The following COBL variants were observed in gnomAD, a reference collection of about 807,000 sequenced individuals.
COBL encodes the protein cordon-bleu WH2 repeat protein, also known as protein cordon-bleu.
COBL carries 51 observed loss-of-function variants against 98.8 expected under a neutral mutation model. The ratio of observed to expected loss-of-function variants is 0.52; its 90% CI spans 0.41 to 0.65. The LOEUF (loss-of-function observed/expected upper bound fraction) is 0.65, where lower values mean the gene tolerates loss of function less well. Ranked by LOEUF, COBL falls within the 30% of genes least tolerant of loss-of-function variation. COBL has a pLI of 0.00. For missense variants in COBL, 1,617 were observed against 1,617.5 expected, an observed-to-expected ratio of 1.00 and a Z score of 0.01; for synonymous variants, 634 against 651.7, an observed-to-expected ratio of 0.97 and a Z score of 0.41.
At chr7:51,186,647 C>T (rs1479426478) in intron 4 of COBL, among the ~76,000 whole-genome samples, 1 of 152,214 alleles carries the variant, frequency 6.6e-6, no homozygotes, top group African/African-American at 2.4e-5. Flanking sequence ...CTTTCTCATG[C>T]AGCTACAGCC....
intron 2 of COBL, among the ~76,000 whole-genome samples, chr7:51,202,413 G>T (rs1791218029): frequency 6.6e-6 from 1 of 152,170 alleles, no homozygotes; most frequent in South Asian, 2.1e-4. Context: ...TTGATTCATT[G>T]TCAATCTTTT....
At chr7:51,167,988 G>A (rs1178045771) in intron 5 of COBL, among the ~76,000 whole-genome samples, 1 of 152,122 alleles carries the variant, frequency 6.6e-6, no homozygotes, top group Non-Finnish European at 1.5e-5. Context: ...AAAATCTCCA[G>A]GATATTGGTC....
intron 5 of COBL, among the ~76,000 whole-genome samples, chr7:51,181,311 AGTG>A (rs1203300908): frequency 1.3e-5 from 2 of 152,252 alleles, no homozygotes; most frequent in Non-Finnish European, 2.9e-5. Flanking sequence ...ATTGAAATGC[AGTG>A]GTGGTCATGT....
At chr7:51,214,896 A>T (rs1792878680) in intron 2 of COBL, among the ~76,000 whole-genome samples, 1 of 152,178 alleles carries the variant, frequency 6.6e-6, no homozygotes, top group Non-Finnish European at 1.5e-5. Context: ...GATACTCTTC[A>T]GTACAGGCCA....
In COBL at chr7:51,190,858, T is replaced by C. The variant is rs772673921; in HGVS notation, c.677A>G (p.Asn226Ser). The C allele has an allele frequency of 6.2e-7, 1 of 1,613,594 alleles. No homozygotes were observed. Among genetic ancestry groups the C allele is most frequent in the Non-Finnish European group, 8.5e-7 (1 of 1,179,816 alleles). Reference protein sequence around the residue: ...LGIKELYAWDNRRETFRKSSL... With the variant: ...LGIKELYAWDSRRETFRKSSL... ...ACGCAGCGGGGCCTCACCTCTTCTG[T>C]TGTCCCACGCGTAGAGCTCCTTTAT... Residue 226 changes from asparagine (N) to serine (S), a missense_variant, in exon 4 of 13, where the codon AAC (asparagine) becomes AGC (serine). Asn to Ser is a conservative substitution (Grantham distance 46). Coordinates refer to ENST00000265136, the MANE Select transcript of COBL (RefSeq NM_015198.5).
chr7:51,304,807 A>G (rs888707470), intron 1 of COBL, among the ~76,000 whole-genome samples: 1 of 152,218 alleles, frequency 6.6e-6, no homozygotes, highest in African/African-American at 2.4e-5. Context: ...GTCTCTAATC[A>G]TCTCATAAAA....
chr7:51,159,978 C>T (rs1054314172), intron 5 of COBL, among the ~76,000 whole-genome samples: 3 of 152,088 alleles, frequency 2.0e-5, no homozygotes, highest in African/African-American at 4.8e-5. Context: ...CTACAACCTC[C>T]GCCTCCCGAG....
At chr7:51,065,418 A>T in intron 7 of COBL, 1 of 702,914 alleles carries the variant, frequency 1.4e-6, no homozygotes, top group South Asian at 1.5e-5. Flanking sequence ...GCAAGCTCAG[A>T]AGTCTTATCA....
chr7:51,138,771 C>A (rs186126156), intron 5 of COBL, among the ~76,000 whole-genome samples: 2 of 152,346 alleles, frequency 1.3e-5, no homozygotes, highest in African/African-American at 4.8e-5. Flanking sequence ...ACCCATGCCA[C>A]CTGCTATCTC....
rs540606172 is a variant in COBL at position 51,300,212 on chromosome 7, G to A, written c.41+16381C>T. 5.3e-5 allele frequency among the ~76,000 whole-genome samples: 8 copies of A among 152,284 alleles called. 1 individual carries two copies. The highest frequency in any genetic ancestry group is 5.2e-4 in the Admixed American group (8 of 15,302). On this transcript the variant is annotated intron_variant, in intron 1 of 12. Coordinates refer to ENST00000265136, the MANE Select transcript of COBL (RefSeq NM_015198.5). ...GTCTCACTCTGTCACCCAAGCTGGA[G>A]TGCAGTGGCATCATGTCGGCTCACT...
At chr7:51,312,910 C>T (rs1803195413) in intron 1 of COBL, among the ~76,000 whole-genome samples, 1 of 152,108 alleles carries the variant, frequency 6.6e-6, no homozygotes, top group South Asian at 2.1e-4. Flanking sequence ...AATAAAAATG[C>T]TCTGAGACTA....
intron 1 of COBL, among the ~76,000 whole-genome samples, chr7:51,302,581 CAAAA>C (rs397888990): frequency 6.0e-5 from 4 of 66,548 alleles, no homozygotes; most frequent in African/African-American, 5.2e-5. Flanking sequence ...AACTCCGTCT[CAAAA>C]AAAAAAAAAA....
rs138223936 is a variant in COBL, at chr7:51,025,135, C to T, written c.3742G>A (p.Gly1248Ser). Residue 1248 changes from glycine to serine, a missense_variant, in exon 12 of 13, where the codon GGC (glycine) becomes AGC (serine). Gly to Ser is a moderately conservative substitution (Grantham distance 56, BLOSUM62 0). Around this residue, in one of 3 missense-constraint regions of COBL, gnomAD observed 1,304 missense variants for 1,282.0 expected, o/e 1.02. Coordinates refer to ENST00000265136, the MANE Select transcript of COBL (RefSeq NM_015198.5). ...TTTCTCAGTCTCGCAGCCCCTGTGCCGGAGCGGATGGCGTCCATCAAGGCT... is the reference window on the plus strand; with the variant it reads ...TTTCTCAGTCTCGCAGCCCCTGTGCTGGAGCGGATGGCGTCCATCAAGGCT... ...RQALMDAIRS[G>S]TGAARLRKVP... The T allele has an allele frequency of 2.6e-5, 42 of 1,611,052 alleles. No homozygotes were observed. The highest frequency in any genetic ancestry group is 2.2e-4 in the Middle Eastern group (1 of 4,458).
chr7:51,187,310 G>GTATATATATATATATA (rs67807746), intron 4 of COBL, among the ~76,000 whole-genome samples: 2 of 138,424 alleles, frequency 1.4e-5, no homozygotes, highest in Admixed American at 1.5e-4. Flanking sequence ...ATATGTTTAA[G>GTATATATATATATATA]TATATATATA....
At chr7:51,122,961 C>T (rs958119600) in intron 6 of COBL, among the ~76,000 whole-genome samples, 41 of 147,194 alleles carry the variant, frequency 2.8e-4, no homozygotes, top group Non-Finnish European at 4.2e-4. Flanking sequence ...CCAGCCTGGG[C>T]GACAGAGCGA....
At chr7:51,224,707 C>A (rs191989967) in intron 1 of COBL, among the ~76,000 whole-genome samples, 1 of 150,946 alleles carries the variant, frequency 6.6e-6, no homozygotes, top group East Asian at 1.9e-4. Context: ...TTGAGATGGA[C>A]GGCAATGGCG....
intron 2 of COBL, among the ~76,000 whole-genome samples, chr7:51,215,408 CAAAT>C (rs1200404742): frequency 6.6e-6 from 1 of 152,094 alleles, no homozygotes; most frequent in East Asian, 1.9e-4. Flanking sequence ...TAAGCCCACA[CAAAT>C]AAAGCCTTAA....
chr7:51,192,772 T>C (rs537022784), intron 3 of COBL, among the ~76,000 whole-genome samples: 24 of 152,338 alleles, frequency 1.6e-4, no homozygotes, highest in African/African-American at 5.8e-4. Context: ...TTCCCTTTCT[T>C]TTCTCTTCCT....
At chr7:51,047,281 G>T (rs1236000103) in intron 7 of COBL, among the ~76,000 whole-genome samples, 4 of 152,206 alleles carry the variant, frequency 2.6e-5, no homozygotes, top group Admixed American at 6.5e-5. Context: ...CACAGAGCCT[G>T]AGTAAGGAAT....
Sources: allele counts gnomAD v4.1 joint callset (sites outside exome capture counted in the v4.1 genomes callset), GRCh38; gene constraint gnomAD v4.1.1; regional missense constraint gnomAD v4.1.1; transcripts MANE v1.5; gene names NCBI Gene and HGNC (gene_info 2026-07-23, HGNC 2026-07-21).